CDH18: variants seen among roughly 807,000 people sequenced by gnomAD.
CDH18 encodes the protein cadherin-18.
In CDH18, 31 loss-of-function variants were observed where a neutral mutation model predicts 67.9. The observed-to-expected ratio is 0.46, with a 90% CI of 0.34 to 0.62. The LOEUF (loss-of-function observed/expected upper bound fraction) is 0.62, where lower values mean the gene tolerates loss of function less well. Among genes scored for constraint, CDH18 ranks in the 20% least tolerant of loss-of-function variants. CDH18 has a pLI of 0.01. For missense variants in CDH18, 890 were observed against 975.5 expected (o/e 0.91, Z 1.17); for synonymous variants, 362 against 347.2 (o/e 1.04, Z -0.48).
At chr5:19,594,747 A>G (rs1446693986) in intron 6 of CDH18, among the ~76,000 whole-genome samples, 1 of 152,152 alleles carries the variant, frequency 6.6e-6, no homozygotes, top group Non-Finnish European at 1.5e-5. Context: ...CTGTAAAAAA[A>G]TGTCATTTGG....
chr5:19,871,745 G>A (rs901135332), intron 2 of CDH18, among the ~76,000 whole-genome samples: 1 of 152,138 alleles, frequency 6.6e-6, no homozygotes, highest in Admixed American at 6.6e-5. Context: ...TGGGAAAAGA[G>A]AGGATGCAAG....
intron 1 of CDH18, among the ~76,000 whole-genome samples, chr5:20,465,311 C>CTAA (rs1305253902): frequency 9.2e-5 from 14 of 151,954 alleles, no homozygotes; most frequent in African/African-American, 3.4e-4. Flanking sequence ...CTAACAGCTG[C>CTAA]TAATAATAAT....
At chr5:19,860,161 C>A (rs1004775075) in intron 2 of CDH18, among the ~76,000 whole-genome samples, 1 of 152,058 alleles carries the variant, frequency 6.6e-6, no homozygotes, top group African/African-American at 2.4e-5. Flanking sequence ...AATTTAAATT[C>A]ATTTTTTCCT....
intron 2 of CDH18, among the ~76,000 whole-genome samples, chr5:19,894,011 T>C (rs543780590): frequency 5.3e-5 from 8 of 152,268 alleles, no homozygotes; most frequent in African/African-American, 1.7e-4. Flanking sequence ...TTTGCTTTTC[T>C]TGCATTTTAA....
chr5:20,056,509 G>A (rs564079880), intron 2 of CDH18, among the ~76,000 whole-genome samples: 6 of 89,456 alleles, frequency 6.7e-5, no homozygotes, highest in Non-Finnish European at 1.3e-4. Flanking sequence ...TTTTTTGCAG[G>A]GAAAGGGATT....
At chr5:19,784,538 A>G (rs753616774) in intron 3 of CDH18, among the ~76,000 whole-genome samples, 7 of 152,186 alleles carry the variant, frequency 4.6e-5, no homozygotes, top group Non-Finnish European at 8.8e-5. Context: ...TTGCTATAAA[A>G]CAATGCTTGA....
At chr5:20,230,841 A>C (rs1448131912) in intron 2 of CDH18, among the ~76,000 whole-genome samples, 1 of 152,184 alleles carries the variant, frequency 6.6e-6, no homozygotes. Flanking sequence ...CATTTCTCTG[A>C]ACAAACAAAC....
chr5:19,945,061 T>C (rs1795167559), intron 2 of CDH18, among the ~76,000 whole-genome samples: 1 of 152,102 alleles, frequency 6.6e-6, no homozygotes. Flanking sequence ...ACATTCATGG[T>C]GGTGGTAAGG....
intron 2 of CDH18, among the ~76,000 whole-genome samples, chr5:20,086,109 T>C (rs1744927584): frequency 6.6e-6 from 1 of 152,182 alleles, no homozygotes; most frequent in Non-Finnish European, 1.5e-5. Flanking sequence ...ACATAAATGA[T>C]AAGAAAGTGA....
At chr5:19,903,617 CTTT>C (rs59678864) in intron 2 of CDH18, among the ~76,000 whole-genome samples, 1,698 of 89,932 alleles carry the variant, frequency 0.019, 39 homozygotes, top group African/African-American at 0.065. Flanking sequence ...AGCAAAGTGG[CTTT>C]TTTTTTTTTT....
intron 1 of CDH18, among the ~76,000 whole-genome samples, chr5:20,318,558 G>A (rs1220478466): frequency 6.6e-6 from 1 of 151,992 alleles, no homozygotes; most frequent in Non-Finnish European, 1.5e-5. Context: ...CAGGAGATCT[G>A]CTTGTTTAAA....
intron 2 of CDH18, among the ~76,000 whole-genome samples, chr5:20,148,453 A>G (rs1348522702): frequency 2.0e-5 from 3 of 152,116 alleles, no homozygotes; most frequent in Non-Finnish European, 4.4e-5. Context: ...AAAAGTAAAA[A>G]TATTTTGATT....
intron 1 of CDH18, among the ~76,000 whole-genome samples, chr5:20,466,475 T>C (rs930021557): frequency 2.0e-5 from 3 of 152,136 alleles, no homozygotes; most frequent in Non-Finnish European, 4.4e-5. Flanking sequence ...CACACAATTA[T>C]GTCTCAGATA....
Position 19,543,865 on chromosome 5 carries a change from T to C in CDH18, c.1390+4A>G. Reference sequence around the variant, plus strand: ...CTTTTACTGTGATACATAAAGTAGTTTACCAATTTCTGAAGCAGTGACTGT... The same window carrying C: ...CTTTTACTGTGATACATAAAGTAGTCTACCAATTTCTGAAGCAGTGACTGT... On this transcript the variant is annotated splice_donor_region_variant and intron_variant, in intron 9 of 12. Transcript: ENST00000382275. The C allele has an allele frequency of 6.4e-7, 1 of 1,571,972 alleles. No homozygotes were observed. The highest frequency in any genetic ancestry group is 8.7e-7 in the Non-Finnish European group (1 of 1,155,716).
intron 3 of CDH18, among the ~76,000 whole-genome samples, chr5:19,827,344 C>T (rs567773005): frequency 9.6e-4 from 134 of 139,530 alleles, no homozygotes; most frequent in East Asian, 2.5e-3. Context: ...AAAAAAAAAA[C>T]TTAAAATATT....
chr5:20,366,065 C>A lies in CDH18; in HGVS notation c.-579-110560G>T, dbSNP rs557755953. On this transcript the variant is annotated intron_variant, in intron 1 of 14. Transcript: ENST00000507958. The stretch of plus-strand genomic sequence containing the variant: ...TGGAGTACCCAACTCAAAACTCCTG[C>A]CAATGCATCTTCCATGATCATCAGA... Among the ~76,000 whole-genome samples the A allele has an allele frequency of 4.6e-5, 7 of 152,242 alleles. No individual in the cohort carries two copies. The South Asian group carries it at 1.2e-3, about 27-fold the overall frequency.
At chr5:19,828,806 G>A (rs1561389946) in intron 3 of CDH18, among the ~76,000 whole-genome samples, 1 of 152,172 alleles carries the variant, frequency 6.6e-6, no homozygotes, top group Middle Eastern at 3.2e-3. Flanking sequence ...GGAGGCCAAG[G>A]CGGGAGGATC....
intron 4 of CDH18, among the ~76,000 whole-genome samples, chr5:19,731,440 G>A (rs1358696059): frequency 1.3e-5 from 2 of 152,042 alleles, no homozygotes; most frequent in Non-Finnish European, 2.9e-5. Context: ...GACAGAGTGA[G>A]ACTCCATCTC....
At chr5:20,428,493 G>C (rs1278011843) in intron 1 of CDH18, among the ~76,000 whole-genome samples, 1 of 152,100 alleles carries the variant, frequency 6.6e-6, no homozygotes, top group Non-Finnish European at 1.5e-5. Context: ...TGATATTTCT[G>C]GTTCTATATC....
Sources: gnomAD v4.1 joint callset for allele counts (sites outside exome capture counted in the v4.1 genomes callset) on GRCh38, gnomAD v4.1.1 for gene constraint, MANE v1.5 for transcripts, NCBI Gene and HGNC (gene_info 2026-07-23, HGNC 2026-07-21) for gene names.